The following SLC4A10 variants were observed in gnomAD, a reference collection of about 807,000 sequenced individuals.
SLC4A10 encodes solute carrier family 4 member 10, also known as sodium-driven chloride bicarbonate exchanger.
A neutral mutation model predicts 137.7 loss-of-function variants in SLC4A10; 42 were observed. The observed-to-expected ratio is 0.30, with a 90% CI of 0.24 to 0.39. The LOEUF (loss-of-function observed/expected upper bound fraction) is 0.39. Ranked by LOEUF, SLC4A10 falls within the 10% of genes least tolerant of loss-of-function variation. The pLI, the probability that SLC4A10 is intolerant of heterozygous loss-of-function variation, is 1.00. For synonymous variants in SLC4A10, 474 were observed against 464.1 expected (o/e 1.02, Z -0.27); for missense variants, 925 against 1,355.0 (o/e 0.68, Z 4.98).
intron 19 of SLC4A10, among the ~76,000 whole-genome samples, chr2:161,953,618 A>AAATGTTTTTATC (rs1483149132): frequency 6.6e-6 from 1 of 151,984 alleles, no homozygotes; most frequent in South Asian, 2.1e-4. Context: ...AAAAAAAAAA[A>AAATGTTTTTATC]ATGTTTTTAT....
intron 1 of SLC4A10, among the ~76,000 whole-genome samples, chr2:161,687,587 T>A (rs1477710448): frequency 6.6e-6 from 1 of 152,164 alleles, no homozygotes; most frequent in East Asian, 1.9e-4. Context: ...ATATACTGTG[T>A]CCAAAGAGAA....
At chr2:161,856,976 C>A (rs1466943542) in intron 5 of SLC4A10, among the ~76,000 whole-genome samples, 1 of 152,116 alleles carries the variant, frequency 6.6e-6, no homozygotes, top group East Asian at 1.9e-4. Flanking sequence ...TACCACCTGG[C>A]AAAATTAGCC....
intron 3 of SLC4A10, among the ~76,000 whole-genome samples, chr2:161,813,270 A>G (rs186653707): frequency 2.0e-5 from 3 of 152,132 alleles, no homozygotes; most frequent in Admixed American, 2.0e-4. Context: ...ACCTAGCTAT[A>G]TCTTAAGATT....
chr2:161,746,968 G>A (rs1487499273), intron 1 of SLC4A10, among the ~76,000 whole-genome samples: 1 of 152,100 alleles, frequency 6.6e-6, no homozygotes, highest in Non-Finnish European at 1.5e-5. Flanking sequence ...GCAAGCCGAG[G>A]TCCTCTTTAC....
At chr2:161,858,820 T>C (rs886280430) in intron 5 of SLC4A10, among the ~76,000 whole-genome samples, 3 of 152,208 alleles carry the variant, frequency 2.0e-5, no homozygotes, top group Non-Finnish European at 4.4e-5. Context: ...TCCCAACTCA[T>C]TTAAACAACC....
intron 15 of SLC4A10, among the ~76,000 whole-genome samples, chr2:161,906,976 A>G (rs906808730): frequency 6.6e-6 from 1 of 150,574 alleles, no homozygotes; most frequent in Non-Finnish European, 1.5e-5. Context: ...GAATGGCGTG[A>G]ACCCGGGAGG....
At chr2:161,964,039 T>G in intron 21 of SLC4A10, 96 bp from the exon 22 acceptor site, 1 of 1,100,282 alleles carries the variant, frequency 9.1e-7, no homozygotes, top group Non-Finnish European at 1.3e-6. Context: ...AGGTATGTCA[T>G]TTAACCCAAA....
intron 1 of SLC4A10, among the ~76,000 whole-genome samples, chr2:161,696,586 G>A: frequency 6.7e-6 from 1 of 150,256 alleles, no homozygotes. Flanking sequence ...ATAGTTTAAT[G>A]AGAATGATGA....
intron 2 of SLC4A10, among the ~76,000 whole-genome samples, chr2:161,773,620 T>C (rs6713937): frequency 0.83 from 125,571 of 151,792 alleles, 52,600 homozygotes; most frequent in East Asian, 0.98. Context: ...AATGTAACAT[T>C]CTGAGTACAG....
chr2:161,673,238 T>G (rs533947213), intron 1 of SLC4A10, among the ~76,000 whole-genome samples: 1 of 152,300 alleles, frequency 6.6e-6, no homozygotes, highest in East Asian at 1.9e-4. Context: ...GACCCTGGGA[T>G]TTTAGTTTCC....
At chr2:161,737,433 T>G (rs1266673225) in intron 1 of SLC4A10, among the ~76,000 whole-genome samples, 1 of 152,002 alleles carries the variant, frequency 6.6e-6, no homozygotes, top group Non-Finnish European at 1.5e-5. Context: ...CTTTTTTTTT[T>G]TGTCATTGGG....
At chr2:161,860,249 ACTTTT>A (rs534444743) in intron 5 of SLC4A10, among the ~76,000 whole-genome samples, 206 of 152,202 alleles carry the variant, frequency 1.4e-3, no homozygotes, top group African/African-American at 3.9e-3. Context: ...TTTAATATTT[ACTTTT>A]CTTTACATAA....
intron 23 of SLC4A10, among the ~76,000 whole-genome samples, chr2:161,972,506 G>A (rs1018982660): frequency 6.6e-6 from 1 of 152,156 alleles, no homozygotes; most frequent in East Asian, 1.9e-4. Flanking sequence ...CCTTGATTTA[G>A]TTCTAATAGT....
chr2:161,936,127 G>T lies in SLC4A10; in HGVS notation c.1998-6665G>T, dbSNP rs1691540392. Among the ~76,000 whole-genome samples the T allele has an allele frequency of 3.3e-5, 5 of 152,188 alleles. No individual in the cohort carries two copies. The South Asian group carries it at 1.0e-3, about 32-fold the overall frequency. On this transcript the variant is annotated intron_variant, in intron 15 of 26. Transcript: ENST00000446997. ...TGTTGAATCATCCTTGCATCTTTGG[G>T]ATATATCTCACTTGATCATGATGAA...
intron 1 of SLC4A10, among the ~76,000 whole-genome samples, chr2:161,715,407 G>A (rs1279681761): frequency 6.6e-6 from 1 of 152,084 alleles, no homozygotes; most frequent in Non-Finnish European, 1.5e-5. Context: ...ATAGGTAAAT[G>A]TGTGCCAAGG....
At chr2:161,871,740 T>C (rs1446465013) in intron 6 of SLC4A10, among the ~76,000 whole-genome samples, 1 of 152,122 alleles carries the variant, frequency 6.6e-6, no homozygotes, top group African/African-American at 2.4e-5. Context: ...TCATACTGTG[T>C]GAAATAAAGG....
At chr2:161,830,610 C>A (rs553792569) in intron 3 of SLC4A10, among the ~76,000 whole-genome samples, 6 of 151,920 alleles carry the variant, frequency 3.9e-5, no homozygotes, top group Non-Finnish European at 7.4e-5. Flanking sequence ...TATTACCCTA[C>A]TTTACCCAGA....
chr2:161,732,265 T>C lies in SLC4A10; in HGVS notation c.49-38708T>C, dbSNP rs866894062. 2.6e-5 allele frequency among the ~76,000 whole-genome samples: 4 copies of C among 152,314 alleles called. 1 individual carries two copies. The South Asian group carries it at 8.3e-4, about 32-fold the overall frequency. Reference sequence around the variant, plus strand: ...GGGGGTGGAGCTGAAAGTCCAACCCTCTAATTCTGCCTTGGTCTTTCCAGT... The same window carrying C: ...GGGGGTGGAGCTGAAAGTCCAACCCCCTAATTCTGCCTTGGTCTTTCCAGT... On this transcript the variant is annotated intron_variant, in intron 1 of 26. Transcript: ENST00000446997.
chr2:161,931,512 T>A (rs545613155), intron 15 of SLC4A10: 4 of 152,346 alleles, frequency 2.6e-5, no homozygotes, highest in East Asian at 1.9e-4. Flanking sequence ...AGCCTTTTTT[T>A]ATTTATTTTA....
Sources: allele counts gnomAD v4.1 joint callset (sites outside exome capture counted in the v4.1 genomes callset), GRCh38; gene constraint gnomAD v4.1.1; transcripts MANE v1.5; gene names NCBI Gene and HGNC (gene_info 2026-07-23, HGNC 2026-07-21).